Variants in ADK observed in about 807,000 individuals in gnomAD.
ADK encodes the protein N6,N6-dimethyladenosine kinase.
In ADK, 24 loss-of-function variants were observed where a neutral mutation model predicts 44.7. The observed-to-expected ratio is 0.54, with a 90% CI of 0.39 to 0.76. The LOEUF is 0.76. Ranked by LOEUF, ADK falls within the 30% of genes least tolerant of loss-of-function variation. The probability of loss-of-function intolerance (pLI) is 0.00; values close to 1 mark genes in which losing one functional copy is unlikely to be tolerated. For missense variants in ADK, 321 were observed against 425.1 expected (o/e 0.76, Z 2.15); for synonymous variants, 128 against 142.6 (o/e 0.90, Z 0.73).
At chr10:74,364,889 CACTT>C (rs1842452298) in intron 4 of ADK, among the ~76,000 whole-genome samples, 1 of 152,096 alleles carries the variant, frequency 6.6e-6, no homozygotes, top group Non-Finnish European at 1.5e-5. Flanking sequence ...CTTTTCCTGA[CACTT>C]TCTTTCTCCC....
At chr10:74,397,303 G>GT (rs557295872) in intron 5 of ADK, among the ~76,000 whole-genome samples, 3,134 of 145,292 alleles carry the variant, frequency 0.022, 98 homozygotes, top group African/African-American at 0.071. Flanking sequence ...GAGAATTGAG[G>GT]TTTTTTTTTT....
At chr10:74,221,258 C>A (rs1190377564) in intron 2 of ADK, among the ~76,000 whole-genome samples, 14 of 151,556 alleles carry the variant, frequency 9.2e-5, no homozygotes, top group South Asian at 2.1e-4. Flanking sequence ...CATGAGTGAA[C>A]TCCCATTCAC....
chr10:74,665,779 G>GAGAGACAGAC (rs1449559030), intron 9 of ADK, among the ~76,000 whole-genome samples: 1 of 138,928 alleles, frequency 7.2e-6, no homozygotes, highest in African/African-American at 2.8e-5. Context: ...GAGAGAGAGA[G>GAGAGACAGAC]AGACAGACAG....
intron 1 of ADK, among the ~76,000 whole-genome samples, chr10:74,187,481 TCTCAGATTTTAC>T (rs1355006454): frequency 1.3e-5 from 2 of 151,626 alleles, no homozygotes; most frequent in Non-Finnish European, 2.9e-5. Flanking sequence ...TTGCCAGGTT[TCTCAGATTTTAC>T]ACGCACATAC....
intron 6 of ADK, among the ~76,000 whole-genome samples, chr10:74,502,344 A>G (rs952519839): frequency 3.3e-5 from 5 of 152,132 alleles, no homozygotes; most frequent in African/African-American, 9.7e-5. Context: ...TGCCACATAT[A>G]AGAAATGTAG....
intron 6 of ADK, among the ~76,000 whole-genome samples, chr10:74,416,132 G>T (rs1401085684): frequency 1.3e-5 from 2 of 151,232 alleles, no homozygotes; most frequent in African/African-American, 4.9e-5. Context: ...GTTTTTTTCT[G>T]ATTTAGGTGG....
intron 4 of ADK, among the ~76,000 whole-genome samples, chr10:74,345,877 T>C (rs537116650): frequency 6.6e-6 from 1 of 152,180 alleles, no homozygotes; most frequent in Non-Finnish European, 1.5e-5. Flanking sequence ...GCATTTAAAA[T>C]TTCTGGGTTT....
intron 1 of ADK, among the ~76,000 whole-genome samples, chr10:74,171,084 T>TA (rs1267863711): frequency 6.6e-6 from 1 of 152,170 alleles, no homozygotes; most frequent in Non-Finnish European, 1.5e-5. Flanking sequence ...AGCATTTTCT[T>TA]ATGTCCCTAA....
chr10:74,457,034 A>G (rs1308620329), intron 6 of ADK, among the ~76,000 whole-genome samples: 1 of 152,222 alleles, frequency 6.6e-6, no homozygotes, highest in Non-Finnish European at 1.5e-5. Context: ...AAATCAGTGA[A>G]TCCAGGAGCT....
At chr10:74,349,065 A>G (rs1344525712) in intron 4 of ADK, among the ~76,000 whole-genome samples, 2 of 151,820 alleles carry the variant, frequency 1.3e-5, no homozygotes, top group South Asian at 2.1e-4. Context: ...TATGGAGAAC[A>G]CTGCAAAGAT....
At chr10:74,363,620 G>A (rs1842409916) in intron 4 of ADK, among the ~76,000 whole-genome samples, 1 of 151,618 alleles carries the variant, frequency 6.6e-6, no homozygotes. Context: ...CTCACCAGTA[G>A]ACCCTGTAGA....
chr10:74,285,754 A>C (rs1403537432), intron 3 of ADK, among the ~76,000 whole-genome samples: 3 of 152,126 alleles, frequency 2.0e-5, no homozygotes, highest in African/African-American at 7.2e-5. Context: ...GAGGCCTTGA[A>C]ACGTGTCAGT....
chr10:74,281,095 G>A (rs1846916288), intron 3 of ADK, among the ~76,000 whole-genome samples: 1 of 152,182 alleles, frequency 6.6e-6, no homozygotes, highest in African/African-American at 2.4e-5. Context: ...TTTTGAATAA[G>A]GTATACTCAA....
At chr10:74,347,085 C>T (rs1378456640) in intron 4 of ADK, among the ~76,000 whole-genome samples, 6 of 123,296 alleles carry the variant, frequency 4.9e-5, no homozygotes, top group Admixed American at 1.8e-4. Flanking sequence ...CCAGCCTGGG[C>T]GACAGAGCGA....
chr10:74,393,676 T>C (rs1279723445), intron 4 of ADK, among the ~76,000 whole-genome samples: 1 of 152,222 alleles, frequency 6.6e-6, no homozygotes, highest in Non-Finnish European at 1.5e-5. Flanking sequence ...TTTGTAATTA[T>C]ATCTCCACTT....
At chr10:74,154,458 G>A (rs1841695654) in intron 1 of ADK, among the ~76,000 whole-genome samples, 2 of 151,920 alleles carry the variant, frequency 1.3e-5, no homozygotes, top group Admixed American at 6.6e-5. Flanking sequence ...TAGTAGAGAC[G>A]GGATTTTGCC....
chr10:74,396,309 T>C (rs1843506650), intron 5 of ADK, among the ~76,000 whole-genome samples: 1 of 151,776 alleles, frequency 6.6e-6, no homozygotes, highest in Non-Finnish European at 1.5e-5. Context: ...CGAAGTAGGC[T>C]GATCACTCGA....
intron 9 of ADK, among the ~76,000 whole-genome samples, chr10:74,620,188 T>G (rs115008242): frequency 0.018 from 2,677 of 152,320 alleles, 72 homozygotes; most frequent in African/African-American, 0.061. Context: ...TTATCCTACA[T>G]TGCTGTAGAA....
chr10:74,317,348 G>T (rs1248503666), intron 4 of ADK, among the ~76,000 whole-genome samples: 2 of 152,098 alleles, frequency 1.3e-5, no homozygotes, highest in Non-Finnish European at 2.9e-5. Flanking sequence ...TTTGATAATT[G>T]ATGCTTTCTT....
Sources: allele counts gnomAD v4.1 joint callset (sites outside exome capture counted in the v4.1 genomes callset), GRCh38; gene constraint gnomAD v4.1.1; transcripts MANE v1.5; gene names NCBI Gene and HGNC (gene_info 2026-07-23, HGNC 2026-07-21).